ZNF407: variants seen among roughly 807,000 people sequenced by gnomAD.
The protein encoded by ZNF407 is zinc finger protein 407.
ZNF407 carries 17 observed loss-of-function variants against 131.2 expected under a neutral mutation model. The observed-to-expected ratio is 0.13, with a 90% CI of 0.09 to 0.19. The LOEUF is 0.19. ZNF407 is among the 10% of genes least tolerant of loss of function. The pLI is 1.00. For synonymous variants in ZNF407, 1,156 were observed against 1,062.0 expected (o/e 1.09, Z -1.72); for missense variants, 2,681 against 2,830.6 (o/e 0.95, Z 1.20).
chr18:74,902,230 C>T (rs765765132), intron 7 of ZNF407, among the ~76,000 whole-genome samples: 6 of 152,150 alleles, frequency 3.9e-5, no homozygotes, highest in Non-Finnish European at 8.8e-5. Flanking sequence ...TGATAGGGAC[C>T]GTGCCTGGGC....
At chr18:74,863,306 C>T (rs534217283) in intron 4 of ZNF407, among the ~76,000 whole-genome samples, 5 of 151,304 alleles carry the variant, frequency 3.3e-5, no homozygotes, top group South Asian at 2.1e-4. Flanking sequence ...TGCTTGATTG[C>T]GTATTATTTT....
At chr18:74,767,398 T>C (rs1969259466) in intron 3 of ZNF407, among the ~76,000 whole-genome samples, 1 of 152,216 alleles carries the variant, frequency 6.6e-6, no homozygotes, top group Non-Finnish European at 1.5e-5. Flanking sequence ...GTTTTTCATA[T>C]ACCTGCTGAA....
Position 75,064,921 on chromosome 18 carries a change from C to G in ZNF407, c.*453C>G, listed in dbSNP as rs911491146. The G allele has an allele frequency of 3.9e-5, 6 of 155,694 alleles. No individual in the cohort carries two copies. The highest frequency in any genetic ancestry group is 8.5e-5 in the Non-Finnish European group (6 of 70,562). 9.6% of individuals were successfully genotyped at this position (155,694 alleles called of 1,614,324 possible). A position where few individuals can be genotyped will look rare whatever the true frequency, so the allele number is the denominator to read the frequency against. ...ACCTGCTTGTGCAGTCAGCATGTAG[C>G]TGCCTTTCCATTTCATTCTCTACTG... On this transcript the variant is annotated 3_prime_UTR_variant, in exon 9 of 9. Coordinates refer to ENST00000299687, the MANE Select transcript of ZNF407 (RefSeq NM_017757.3).
At chr18:74,857,311 A>G (rs772561042) in intron 4 of ZNF407, among the ~76,000 whole-genome samples, 32 of 152,230 alleles carry the variant, frequency 2.1e-4, no homozygotes, top group East Asian at 3.8e-4. Flanking sequence ...GGGAATAACC[A>G]TACTTCTGGA....
At chr18:74,971,550 G>A (rs12454738) in intron 8 of ZNF407, among the ~76,000 whole-genome samples, 34,320 of 152,118 alleles carry the variant, frequency 0.23, 5,097 homozygotes, top group African/African-American at 0.41. Flanking sequence ...CTGCTAAAAC[G>A]TAACAAGAGT....
At position 75,064,125 on chromosome 18, in the gene ZNF407, T is replaced by G. The variant is rs1295929251; in HGVS notation, c.6404T>G (p.Leu2135Arg). 1 of 1,599,604 alleles carries G rather than the reference T, an allele frequency of 6.3e-7. No homozygotes were observed. The highest frequency in any genetic ancestry group is 1.3e-5 in the African/African-American group (1 of 74,800). The change falls in exon 9 of 9, where the codon CTG becomes CGG. Residue 2135 changes from leucine to arginine, a missense_variant. Leu to Arg is a moderately radical substitution (Grantham distance 102, BLOSUM62 -2). Transcript: ENST00000299687. The part of the protein sequence containing the change: ...MQEAQGEHMD[L>R]VESDGEISQI... ...GAGGCGCAGGGCGAGCACATGGATCTGGTGGAGTCCGACGGGGAGATCTCG... is the reference window on the plus strand; with the variant it reads ...GAGGCGCAGGGCGAGCACATGGATCGGGTGGAGTCCGACGGGGAGATCTCG...
intron 3 of ZNF407, among the ~76,000 whole-genome samples, chr18:74,756,227 T>G (rs890161669): frequency 8.6e-5 from 13 of 152,042 alleles, no homozygotes; most frequent in Non-Finnish European, 1.5e-4. Flanking sequence ...CGCACCTTGA[T>G]TATTGTTGCT....
In ZNF407 at chr18:74,930,889, C is replaced by T. The variant is rs541609174; in HGVS notation, c.5428+10197C>T. ...CCTTAAGGAGACCTGGTTCCTTTGG[C>T]TGGAGAATGGTAGTTATAAGCCAAG... On this transcript the variant is annotated intron_variant, in intron 8 of 8. Coordinates refer to ENST00000299687, the MANE Select transcript of ZNF407 (RefSeq NM_017757.3). Among the ~76,000 whole-genome samples the T allele has an allele frequency of 2.6e-5, 4 of 152,312 alleles. No individual in the cohort carries two copies. The South Asian group carries it at 8.3e-4, about 32-fold the overall frequency.
intron 4 of ZNF407, among the ~76,000 whole-genome samples, chr18:74,843,299 C>A (rs1181896975): frequency 6.6e-6 from 1 of 152,066 alleles, no homozygotes; most frequent in African/African-American, 2.4e-5. Flanking sequence ...TATGTAAGTT[C>A]TAAACTTTCT....
chr18:74,899,477 C>G (rs1373222250), intron 7 of ZNF407, among the ~76,000 whole-genome samples: 1 of 151,988 alleles, frequency 6.6e-6, no homozygotes, highest in East Asian at 1.9e-4. Flanking sequence ...GGTCCTCTCT[C>G]CTGGAGGAGG....
intron 8 of ZNF407, chr18:74,921,134 G>A (rs767436133): frequency 7.1e-6 from 4 of 563,990 alleles, no homozygotes; most frequent in Non-Finnish European, 9.0e-6. Context: ...CCACGACCAC[G>A]GAGTCAAGCG....
At chr18:74,622,905 AGT>A (rs1455557048) in intron 1 of ZNF407, among the ~76,000 whole-genome samples, 3 of 132,922 alleles carry the variant, frequency 2.3e-5, no homozygotes, top group African/African-American at 2.9e-5. Context: ...TGTCTGTTTT[AGT>A]GTGTGAATGT....
intron 3 of ZNF407, among the ~76,000 whole-genome samples, chr18:74,773,665 C>T (rs1200763181): frequency 6.6e-6 from 1 of 152,198 alleles, no homozygotes; most frequent in East Asian, 1.9e-4. Flanking sequence ...GTATTTTGTA[C>T]CACCAGAAAA....
At chr18:74,975,637 A>G (rs1465846621) in intron 8 of ZNF407, among the ~76,000 whole-genome samples, 1 of 152,188 alleles carries the variant, frequency 6.6e-6, no homozygotes, top group Non-Finnish European at 1.5e-5. Context: ...GCTCATAGAG[A>G]CCACCATTTC....
chr18:74,861,114 G>A (rs1179956439), intron 4 of ZNF407, among the ~76,000 whole-genome samples: 1 of 152,134 alleles, frequency 6.6e-6, no homozygotes, highest in African/African-American at 2.4e-5. Context: ...CCTCCAGCAA[G>A]TACTCTGATG....
chr18:74,745,451 T>G (rs759286165), intron 3 of ZNF407, among the ~76,000 whole-genome samples: 65 of 152,294 alleles, frequency 4.3e-4, no homozygotes, highest in Non-Finnish European at 9.0e-4. Flanking sequence ...TACTGTAAAT[T>G]TAGATGCTGT....
At chr18:75,060,914 C>A (rs1053463214) in intron 8 of ZNF407, among the ~76,000 whole-genome samples, 1 of 152,194 alleles carries the variant, frequency 6.6e-6, no homozygotes, top group Non-Finnish European at 1.5e-5. Flanking sequence ...TTAATACTTT[C>A]AAATCCAGGA....
intron 8 of ZNF407, among the ~76,000 whole-genome samples, chr18:75,026,431 A>G (rs1178858230): frequency 6.6e-6 from 1 of 152,218 alleles, no homozygotes; most frequent in Non-Finnish European, 1.5e-5. Context: ...TGTCAAGTGA[A>G]AATTTTGCAT....
At chr18:74,688,005 A>G (rs1599070226) in intron 3 of ZNF407, among the ~76,000 whole-genome samples, 1 of 152,216 alleles carries the variant, frequency 6.6e-6, no homozygotes, top group South Asian at 2.1e-4. Flanking sequence ...TAAAGGGATA[A>G]TAGAACTGAC....
Sources: gnomAD v4.1 joint callset for allele counts (sites outside exome capture counted in the v4.1 genomes callset) on GRCh38, gnomAD v4.1.1 for gene constraint, MANE v1.5 for transcripts, NCBI Gene and HGNC (gene_info 2026-07-23, HGNC 2026-07-21) for gene names.